WASHC2A: variants seen among roughly 807,000 people sequenced by gnomAD.
WASHC2A encodes WASH complex subunit FAM21A.
WASHC2A carries 82 observed loss-of-function variants against 140.3 expected under a neutral mutation model. The ratio of observed to expected loss-of-function variants is 0.58; its 90% CI spans 0.49 to 0.70. The LOEUF is 0.70. Ranked by LOEUF, WASHC2A falls within the 30% of genes least tolerant of loss-of-function variation. WASHC2A has a pLI of 0.00. For synonymous variants in WASHC2A, 340 were observed against 560.8 expected (o/e 0.61, Z 5.56); for missense variants, 985 against 1,521.8 (o/e 0.65, Z 5.87).
Position 50,068,028 on chromosome 10 carries a change from G to A in WASHC2A, c.3+20G>A, listed in dbSNP as rs370486451. 35 of 1,607,784 alleles carry A rather than the reference G, an allele frequency of 2.2e-5. No homozygotes were observed. Among genetic ancestry groups the A allele is most frequent in the Non-Finnish European group, 2.9e-5 (34 of 1,178,300 alleles). ...AGGATGGTGAGGGCGCCGGGCAGGA[G>A]AGAGGCCGGCCTGGGCTGGGGCCGC... On this transcript the variant is annotated intron_variant, in intron 1 of 30. Transcript: ENST00000282633.
intron 17 of WASHC2A, among the ~76,000 whole-genome samples, chr10:50,100,283 A>T (rs1442979617): frequency 6.6e-6 from 1 of 152,038 alleles, no homozygotes; most frequent in Non-Finnish European, 1.5e-5. Context: ...GGAGTTGGAG[A>T]CCAGGCTGGC....
intron 23 of WASHC2A, among the ~76,000 whole-genome samples, chr10:50,124,866 G>C (rs1843291954): frequency 7.4e-6 from 1 of 134,650 alleles, no homozygotes; most frequent in Non-Finnish European, 1.7e-5. Flanking sequence ...TCTAAAGCTT[G>C]TGCATATATA....
chr10:50,127,712 G>A lies in WASHC2A; in HGVS notation c.3004G>A (p.Val1002Met). Reference protein sequence around the residue: ...EHRRSHGLESVPVLPGSGEAG... With the variant: ...EHRRSHGLESMPVLPGSGEAG... ...CAGAAGGAGCCACGGTCTGGAAAGT[G>A]TGCCTGTCCTTCCCGGGAGTGGGGA... The change falls in exon 28 of 31, where the codon GTG (valine) becomes ATG (methionine). Residue 1002 changes from valine to methionine, a missense_variant. By Grantham distance (21) the Val-to-Met change is conservative. Coordinates refer to ENST00000282633, the MANE Select transcript of WASHC2A (RefSeq NM_001005751.3). 1 of 1,575,228 alleles carries A rather than the reference G, an allele frequency of 6.3e-7. No individual in the cohort carries two copies. Among genetic ancestry groups the A allele is most frequent in the Non-Finnish European group, 8.6e-7 (1 of 1,156,736 alleles).
intron 23 of WASHC2A, among the ~76,000 whole-genome samples, chr10:50,120,005 CTTG>C (rs1357335510): frequency 2.9e-5 from 4 of 136,926 alleles, no homozygotes; most frequent in Non-Finnish European, 6.2e-5. Context: ...ATTTACAGAC[CTTG>C]TTGTTCCTTC....
Position 50,068,031 on chromosome 10 carries a change from A to G in WASHC2A, c.3+23A>G, listed in dbSNP as rs1339138484. 15 of 1,607,500 alleles carry G rather than the reference A, an allele frequency of 9.3e-6. No homozygotes were observed. The East Asian group carries it at 1.1e-4, about 12-fold the overall frequency. On this transcript the variant is annotated intron_variant, in intron 1 of 30. Transcript: ENST00000282633. ...ATGGTGAGGGCGCCGGGCAGGAGAGAGGCCGGCCTGGGCTGGGGCCGCCGT... is the reference window on the plus strand; with the variant it reads ...ATGGTGAGGGCGCCGGGCAGGAGAGGGGCCGGCCTGGGCTGGGGCCGCCGT...
chr10:50,088,801 G>A (rs1463354000), intron 8 of WASHC2A, among the ~76,000 whole-genome samples: 2 of 121,536 alleles, frequency 1.6e-5, no homozygotes, highest in African/African-American at 3.2e-5. Context: ...ACTATCAAAT[G>A]AAGGATTTTA....
At chr10:50,110,720 G>A (rs1370371085) in intron 20 of WASHC2A, among the ~76,000 whole-genome samples, 1 of 151,670 alleles carries the variant, frequency 6.6e-6, no homozygotes, top group African/African-American at 2.4e-5. Flanking sequence ...GTGAAACCCT[G>A]TCTCTACTAA....
At chr10:50,074,986 C>T (rs151033845) in intron 3 of WASHC2A, among the ~76,000 whole-genome samples, 31,502 of 151,740 alleles carry the variant, frequency 0.21, 3,571 homozygotes, top group Admixed American at 0.29. Context: ...AATTAACCAA[C>T]CATTGAACTT....
intron 19 of WASHC2A, among the ~76,000 whole-genome samples, chr10:50,108,839 G>T (rs879988319): frequency 9.6e-5 from 10 of 104,506 alleles, no homozygotes; most frequent in Non-Finnish European, 1.3e-4. Flanking sequence ...CCGAGACTGC[G>T]CCACTGCACT....
chr10:50,104,488 C>A (rs1841551128), intron 18 of WASHC2A, among the ~76,000 whole-genome samples: 1 of 151,746 alleles, frequency 6.6e-6, no homozygotes. Flanking sequence ...TCCCAAGTAG[C>A]TGGGACTACA....
rs1362701632 is a variant in WASHC2A, at chr10:50,128,666, T to A, written c.3088-753T>A. On this transcript the variant is annotated intron_variant, in intron 28 of 30. Transcript: ENST00000282633. ...AAGAGAATTTTCATTGGCTTTTTTT[T>A]AGTTAAGTTTAAATTGGCAACTAAA... 3.0e-3 allele frequency among the ~76,000 whole-genome samples: 450 copies of A among 152,258 alleles called. 6 individuals carry two copies. Among genetic ancestry groups the A allele is most frequent in the African/African-American group, 0.01 (422 of 41,536 alleles).
chr10:50,118,079 T>C (rs782819702), intron 22 of WASHC2A, 21 bp downstream of exon 22: 1 of 1,607,014 alleles, frequency 6.2e-7, no homozygotes, highest in South Asian at 1.1e-5. Context: ...TTCTCTTGTA[T>C]ACTTGAATGC....
rs1844137166 is a variant in WASHC2A, at chr10:50,133,219, G to A, written c.*274G>A. The A allele has an allele frequency of 3.4e-6, 2 of 590,764 alleles. No homozygotes were observed. Among genetic ancestry groups the A allele is most frequent in the Non-Finnish European group, 6.1e-6 (2 of 326,408 alleles). 36.6% of individuals were successfully genotyped at this position (590,764 alleles called of 1,614,324 possible). A position where few individuals can be genotyped will look rare whatever the true frequency, so the allele number is the denominator to read the frequency against. On this transcript the variant is annotated 3_prime_UTR_variant, in exon 31 of 31. Coordinates refer to ENST00000282633, the MANE Select transcript of WASHC2A (RefSeq NM_001005751.3). ...CTGGGGCCATAATATGCTTCAGGGT[G>A]TGTAAAAGAAGAAATCTCTTTGTGG... is the stretch of plus-strand genomic sequence containing the variant.
intron 20 of WASHC2A, among the ~76,000 whole-genome samples, chr10:50,111,866 A>G (rs1554890539): frequency 6.6e-6 from 1 of 152,114 alleles, no homozygotes. Context: ...CGTCTCTACT[A>G]AAAATACAAA....
chr10:50,110,050 A>G lies in WASHC2A; in HGVS notation c.1870-51A>G, dbSNP rs1460296746. On this transcript the variant is annotated intron_variant, in intron 19 of 30. Coordinates refer to ENST00000282633, the MANE Select transcript of WASHC2A (RefSeq NM_001005751.3). ...CTCCCAAAGTGCTGGGATTATAGGT[A>G]TGAGCCACTGCGCCTGGCCTGGAGT... 42 of 1,515,046 alleles carry G rather than the reference A, an allele frequency of 2.8e-5. 1 individual carries two copies. The highest frequency in any genetic ancestry group is 1.6e-4 in the South Asian group (14 of 85,608). The allele number at this position is 1,515,046 out of a possible 1,614,324, so 93.9% of individuals were successfully genotyped here.
At chr10:50,102,395 G>A (rs1841289107) in intron 17 of WASHC2A, among the ~76,000 whole-genome samples, 1 of 152,102 alleles carries the variant, frequency 6.6e-6, no homozygotes, top group Non-Finnish European at 1.5e-5. Flanking sequence ...AAAGGTATCA[G>A]TTAAGGGTCC....
At chr10:50,112,900 G>A (rs1488337404) in intron 20 of WASHC2A, among the ~76,000 whole-genome samples, 1 of 149,176 alleles carries the variant, frequency 6.7e-6, no homozygotes, top group Non-Finnish European at 1.5e-5. Context: ...GGGGCAGGGG[G>A]AATGGAGAGT....
intron 3 of WASHC2A, among the ~76,000 whole-genome samples, chr10:50,077,655 T>C (rs1554878458): frequency 6.6e-6 from 1 of 152,226 alleles, no homozygotes; most frequent in East Asian, 1.9e-4. Flanking sequence ...ATTTCTTTCT[T>C]TTTAAAAAAT....
intron 23 of WASHC2A, among the ~76,000 whole-genome samples, chr10:50,124,686 C>T (rs1554894342): frequency 1.3e-5 from 2 of 151,754 alleles, no homozygotes; most frequent in East Asian, 3.9e-4. Flanking sequence ...GTGCTTGATT[C>T]AGCTGCTGTC....
Sources: gnomAD v4.1 joint callset for allele counts (sites outside exome capture counted in the v4.1 genomes callset) on GRCh38, gnomAD v4.1.1 for gene constraint, MANE v1.5 for transcripts, NCBI Gene and HGNC (gene_info 2026-07-23, HGNC 2026-07-21) for gene names.